CACNA1A: variants seen among roughly 807,000 people sequenced by gnomAD.
CACNA1A encodes calcium voltage-gated channel subunit alpha1 A.
CACNA1A carries 57 observed loss-of-function variants against 262.4 expected under a neutral mutation model. The observed-to-expected ratio is 0.22, with a 90% CI of 0.18 to 0.27. The LOEUF (loss-of-function observed/expected upper bound fraction) is 0.27. Ranked by LOEUF, CACNA1A falls within the 10% of genes least tolerant of loss-of-function variation. The pLI, the probability that CACNA1A is intolerant of heterozygous loss-of-function variation, is 1.00. For missense variants in CACNA1A, 2,526 were observed against 3,562.8 expected, an observed-to-expected ratio of 0.71 and a Z score of 7.41; for synonymous variants, 1,431 against 1,419.3, an observed-to-expected ratio of 1.01 and a Z score of -0.18.
intron 3 of CACNA1A, among the ~76,000 whole-genome samples, chr19:13,383,239 G>C (rs2059552450): frequency 6.6e-6 from 1 of 152,176 alleles, no homozygotes; most frequent in African/African-American, 2.4e-5. Flanking sequence ...AAGTGCTATG[G>C]AGAACAATAT....
intron 1 of CACNA1A, among the ~76,000 whole-genome samples, chr19:13,499,448 G>GT (rs1982093063): frequency 5.2e-5 from 2 of 38,268 alleles, no homozygotes; most frequent in Non-Finnish European, 1.4e-4. Context: ...CGCAGGGGGT[G>GT]GTGGGGGGGG....
At chr19:13,217,710 C>A (rs750622735) in intron 38 of CACNA1A, among the ~76,000 whole-genome samples, 1 of 152,092 alleles carries the variant, frequency 6.6e-6, no homozygotes. Flanking sequence ...GTCTTTGAAA[C>A]CCTCAGGAAG....
In CACNA1A at chr19:13,286,830, C is replaced by A. The variant is rs554091859; in HGVS notation, c.3226G>T (p.Ala1076Ser). The A allele has an allele frequency of 6.2e-7, 1 of 1,613,520 alleles. No individual in the cohort carries two copies. The highest frequency in any genetic ancestry group is 1.1e-5 in the South Asian group (1 of 91,036). The change falls in exon 20 of 47, where the codon GCG becomes TCG. Residue 1076 changes from alanine (A) to serine (S), a missense_variant. This residue lies in a region of CACNA1A where 765 missense variants were observed against 748.6 expected (regional missense o/e 1.02). Transcript: ENST00000360228. ...DNMKNNKLAT[A>S]ESAAPHGSLG... ...CTGCCGTGGGGAGCGGCCGACTCCG[C>A]GGTGGCCAGCTTGTTGTTCTTCATG...
At chr19:13,486,773 C>T (rs1980051883) in intron 1 of CACNA1A, among the ~76,000 whole-genome samples, 1 of 151,974 alleles carries the variant, frequency 6.6e-6, no homozygotes, top group South Asian at 2.1e-4. Context: ...CTCACCATTG[C>T]CTTCCTTGCA....
At chr19:13,378,108 T>C (rs1193468436) in intron 3 of CACNA1A, among the ~76,000 whole-genome samples, 1 of 152,192 alleles carries the variant, frequency 6.6e-6, no homozygotes, top group African/African-American at 2.4e-5. Flanking sequence ...AGTTCAAGAC[T>C]TCACTGGAGG....
chr19:13,492,098 G>C (rs1568702660), intron 1 of CACNA1A, among the ~76,000 whole-genome samples: 1 of 152,078 alleles, frequency 6.6e-6, no homozygotes, highest in Non-Finnish European at 1.5e-5. Flanking sequence ...GATATGAATG[G>C]AAATAAGCAG....
chr19:13,385,386 T>C (rs1413944834), intron 3 of CACNA1A, among the ~76,000 whole-genome samples: 1 of 152,006 alleles, frequency 6.6e-6, no homozygotes, highest in African/African-American at 2.4e-5. Context: ...CTTGCCACCA[T>C]GCCTGGCTAA....
intron 1 of CACNA1A, among the ~76,000 whole-genome samples, chr19:13,480,968 T>C (rs1299647268): frequency 3.3e-5 from 5 of 152,174 alleles, no homozygotes; most frequent in Non-Finnish European, 7.4e-5. Context: ...ACTCCGAATC[T>C]AGATAGCCTA....
At chr19:13,391,716 G>A (rs1226310671) in intron 3 of CACNA1A, among the ~76,000 whole-genome samples, 4 of 152,050 alleles carry the variant, frequency 2.6e-5, no homozygotes, top group African/African-American at 4.8e-5. Flanking sequence ...AGGCAACAAA[G>A]TGAGACCTGT....
Position 13,214,473 on chromosome 19 carries a change from G to C in CACNA1A, c.5839+28C>G. 6.3e-7 allele frequency: 1 copy of C among 1,584,384 alleles called. No individual in the cohort carries two copies. The highest frequency in any genetic ancestry group is 8.7e-7 in the Non-Finnish European group (1 of 1,154,426). ...CCCCCTCCATCTGTCCTGGTGGATT[G>C]GATCCCAGGGCTGGGCTCAGCTCTT... is the stretch of plus-strand genomic sequence containing the variant. On this transcript the variant is annotated intron_variant, in intron 39 of 46. Coordinates refer to ENST00000360228, the MANE Select transcript of CACNA1A (RefSeq NM_001127222.2). This position sits in a 1 kb window ranked among gnomAD's most constrained non-coding sequence, Gnocchi z 4.1.
At chr19:13,452,235 A>G (rs11883043) in intron 3 of CACNA1A, 31,647 of 152,104 alleles carry the variant, frequency 0.21, 4,514 homozygotes, top group East Asian at 0.52. Flanking sequence ...TACCTCATAC[A>G]GGGTGCTTAG....
chr19:13,325,394 G>C (rs537861651), intron 10 of CACNA1A, among the ~76,000 whole-genome samples: 211 of 152,102 alleles, frequency 1.4e-3, no homozygotes, highest in African/African-American at 4.7e-3. Context: ...CTCTCACCTT[G>C]GCCTTCCAAA....
At chr19:13,478,662 A>G (rs765228304) in intron 1 of CACNA1A, among the ~76,000 whole-genome samples, 154 of 152,330 alleles carry the variant, frequency 1.0e-3, no homozygotes, top group Non-Finnish European at 1.9e-3. Context: ...GGGCAAAGGT[A>G]TAAGTATTTC....
chr19:13,259,690 A>G lies in CACNA1A; in HGVS notation c.4262T>C (p.Leu1421Pro). 6.2e-7 allele frequency: 1 copy of G among 1,611,190 alleles called. No homozygotes were observed. The highest frequency in any genetic ancestry group is 8.5e-7 in the Non-Finnish European group (1 of 1,178,760). ...EFEKDCRGKY[L>P]LYEKNEVKAR... The stretch of plus-strand genomic sequence containing the variant: ...CTTCACCTCATTCTTCTCGTAGAGG[A>G]GGTATTTGCCTCTGCCACAGAGAGT... Residue 1421 changes from leucine to proline, a missense_variant, in exon 27 of 47, where the codon CTC becomes CCC. Physicochemically the swap from Leu to Pro is moderately conservative, Grantham distance 98. This residue lies in a region of CACNA1A where 137 missense variants were observed against 377.7 expected (regional missense o/e 0.36). Transcript: ENST00000360228.
chr19:13,334,569 G>GTA (rs1463840884), intron 7 of CACNA1A, 76 bp from the exon 8 acceptor site: 10 of 652,964 alleles, frequency 1.5e-5, no homozygotes, highest in Non-Finnish European at 2.4e-5. Flanking sequence ...GTTTGTGTGT[G>GTA]TGTGTGTGTG....
chr19:13,456,531 G>A (rs574379996), intron 1 of CACNA1A, among the ~76,000 whole-genome samples: 9 of 152,046 alleles, frequency 5.9e-5, no homozygotes, highest in South Asian at 2.1e-4. Context: ...AAAATTAGCC[G>A]GGCGTGGTAG....
intron 24 of CACNA1A, 67 bp downstream of exon 24, chr19:13,275,783 C>T: frequency 9.3e-7 from 1 of 1,075,976 alleles, no homozygotes; most frequent in African/African-American, 1.6e-5. Context: ...GTCCTGTAAT[C>T]CGATGTGTGG....
chr19:13,240,242 A>C (rs961248344), intron 31 of CACNA1A, among the ~76,000 whole-genome samples: 1 of 151,816 alleles, frequency 6.6e-6, no homozygotes, highest in African/African-American at 2.4e-5. Context: ...GTGTCTGTAC[A>C]TGCAGTGACT....
intron 31 of CACNA1A, chr19:13,244,441 A>T (rs2056172533): frequency 6.6e-6 from 1 of 152,138 alleles, no homozygotes; most frequent in Admixed American, 6.6e-5. Context: ...ATCACCCTTG[A>T]CCCTTGGCTT....
Sources: gnomAD v4.1 joint callset for allele counts (sites outside exome capture counted in the v4.1 genomes callset) on GRCh38, gnomAD v4.1.1 for gene constraint, gnomAD v4.1.1 regional missense constraint, Gnocchi (gnomAD v3.1) non-coding constraint, MANE v1.5 for transcripts, NCBI Gene and HGNC (gene_info 2026-07-23, HGNC 2026-07-21) for gene names.